Variants in ZNG1A observed in about 807,000 individuals in gnomAD.
ZNG1A encodes zinc-regulated GTPase metalloprotein activator 1A.
chr9:164,850 A>G, the ZNG1A span, among the ~76,000 whole-genome samples: 34 of 152,138 alleles, frequency 2.2e-4, no homozygotes, highest in African/African-American at 7.2e-4. Flanking sequence ...CTGTCCACCT[A>G]CTCTGCCAAG....
chr9:167,027 G>A, the ZNG1A span: 1 of 151,780 alleles, frequency 6.6e-6, no homozygotes, highest in Non-Finnish European at 1.5e-5. Context: ...GATTATAAGT[G>A]ACACTTAGAT....
chr9:155,915 G>A, the ZNG1A span, among the ~76,000 whole-genome samples: 2 of 148,756 alleles, frequency 1.3e-5, no homozygotes, highest in East Asian at 1.9e-4. Flanking sequence ...AGACCAGCCT[G>A]GCCAACATGG....
the ZNG1A span, chr9:149,529 C>T: frequency 6.6e-6 from 1 of 151,426 alleles, no homozygotes; most frequent in East Asian, 1.9e-4. Context: ...AAAAGTTGAG[C>T]AATCATTCCC....
the ZNG1A span, among the ~76,000 whole-genome samples, chr9:139,712 G>A: frequency 9.5e-4 from 144 of 151,730 alleles, 6 homozygotes; most frequent in South Asian, 1.9e-3. Context: ...CGTGAGAGAC[G>A]CAGAAGACAG....
the ZNG1A span, among the ~76,000 whole-genome samples, chr9:178,569 G>C: frequency 1.8e-5 from 2 of 110,476 alleles, no homozygotes; most frequent in Admixed American, 9.2e-5. Flanking sequence ...TAGCGTCAAA[G>C]CCTTGCTTCA....
chr9:172,138 G>A, the ZNG1A span: 8 of 1,610,920 alleles, frequency 5.0e-6, no homozygotes, highest in African/African-American at 6.7e-5. Context: ...CCCTTCTTTT[G>A]CATCAAATTC....
At chr9:140,890 GA>G in the ZNG1A span, among the ~76,000 whole-genome samples, 1 of 144,740 alleles carries the variant, frequency 6.9e-6, no homozygotes, top group African/African-American at 2.6e-5. Context: ...ACTACGTGAA[GA>G]ATGCAGAAGC....
chr9:142,675 C>A, the ZNG1A span, among the ~76,000 whole-genome samples: 1 of 118,588 alleles, frequency 8.4e-6, no homozygotes, highest in Non-Finnish European at 1.7e-5. Flanking sequence ...TAGCAGAAGG[C>A]AAGAAATAAC....
chr9:161,239 C>T, the ZNG1A span, among the ~76,000 whole-genome samples: 1 of 151,856 alleles, frequency 6.6e-6, no homozygotes, highest in Non-Finnish European at 1.5e-5. Context: ...GAGGCCGAGG[C>T]GGGTGGATCA....
chr9:171,232 G>T, the ZNG1A span, among the ~76,000 whole-genome samples: 33 of 152,046 alleles, frequency 2.2e-4, no homozygotes, highest in African/African-American at 7.2e-4. Flanking sequence ...TGAACTCTCA[G>T]GATACTTCAA....
the ZNG1A span, among the ~76,000 whole-genome samples, chr9:174,554 G>C: frequency 1.3e-5 from 2 of 151,684 alleles, no homozygotes; most frequent in East Asian, 1.9e-4. Context: ...GTGTGCAATA[G>C]GTTATTTAAT....
chr9:138,409 C>A, the ZNG1A span, among the ~76,000 whole-genome samples: 2 of 108,472 alleles, frequency 1.8e-5, no homozygotes, highest in Non-Finnish European at 3.7e-5. Context: ...TTTTTTTTTA[C>A]AAACTACATG....
the ZNG1A span, among the ~76,000 whole-genome samples, chr9:178,390 C>T: frequency 6.6e-6 from 1 of 151,048 alleles, no homozygotes; most frequent in Non-Finnish European, 1.5e-5. Context: ...GAAAGCCCCA[C>T]GTGTCGGGCA....
At chr9:176,831 AC>A in the ZNG1A span, among the ~76,000 whole-genome samples, 1 of 150,322 alleles carries the variant, frequency 6.7e-6, no homozygotes. Flanking sequence ...GGGCTTTTTA[AC>A]CATATTATGA....
At chr9:125,550 AG>A in the ZNG1A span, among the ~76,000 whole-genome samples, 62 of 148,734 alleles carry the variant, frequency 4.2e-4, no homozygotes, top group East Asian at 9.2e-3. Flanking sequence ...AAAGTTCTTT[AG>A]TTTAATTAAG....
chr9:160,138 T>C, the ZNG1A span: 5 of 454,558 alleles, frequency 1.1e-5, no homozygotes, highest in African/African-American at 8.0e-5. Flanking sequence ...TCCAATTCTT[T>C]GCCTATGATT....
the ZNG1A span, chr9:161,482 A>G: frequency 7.9e-6 from 7 of 883,638 alleles, no homozygotes; most frequent in Non-Finnish European, 1.1e-5. Context: ...AAAAAAAAAA[A>G]AAAAATTAAC....
chr9:172,116 T>C, the ZNG1A span: 5 of 1,611,360 alleles, frequency 3.1e-6, no homozygotes, highest in Non-Finnish European at 4.2e-6. Context: ...TAACAGTATG[T>C]AATCAAATTT....
the ZNG1A span, chr9:123,085 A>C: frequency 6.5e-7 from 1 of 1,534,932 alleles, no homozygotes; most frequent in Non-Finnish European, 8.7e-7. Flanking sequence ...CAGTCACGAA[A>C]ATAATAAAGA....
Sources: allele counts gnomAD v4.1 joint callset (sites outside exome capture counted in the v4.1 genomes callset), GRCh38; gene constraint gnomAD v4.1.1; transcripts MANE v1.5; gene names NCBI Gene and HGNC (gene_info 2026-07-23, HGNC 2026-07-21).